The following POMK variants were observed in gnomAD, a reference collection of about 807,000 sequenced individuals.
The protein encoded by POMK is protein O-mannose kinase, also known as Sugen kinase 196.
A neutral mutation model predicts 23.0 loss-of-function variants in POMK; 19 were observed. That is an observed-to-expected ratio of 0.83 (90% CI 0.58 to 1.21). POMK has a LOEUF of 1.21. POMK is among the 50% of genes most tolerant of loss of function. The probability of loss-of-function intolerance (pLI) is 0.00; values close to 1 mark genes in which losing one functional copy is unlikely to be tolerated. For missense variants in POMK, 410 were observed against 431.3 expected, an observed-to-expected ratio of 0.95 and a Z score of 0.44; for synonymous variants, 173 against 171.6, an observed-to-expected ratio of 1.01 and a Z score of -0.06.
At position 43,094,340 on chromosome 8, in the gene POMK, GCTGT is replaced by G. The variant is rs1372245880; in HGVS notation, c.-210+780_-210+783del. ...GCGTGAGCTACTGGGTCCGGCAGAGGCTGTCTCTGTTTAAAAAAACAAAAACCAA... is the reference window on the plus strand; with the variant it reads ...GCGTGAGCTACTGGGTCCGGCAGAGGCTCTGTTTAAAAAAACAAAAACCAA... On this transcript the variant is annotated intron_variant, in intron 1 of 4. Transcript: ENST00000331373. 7.2e-5 allele frequency among the ~76,000 whole-genome samples: 11 copies of G among 152,132 alleles called. No individual in the cohort carries two copies. The East Asian group carries it at 1.9e-3, about 27-fold the overall frequency.
At chr8:43,096,583 G>C (rs1027740698) in intron 1 of POMK, among the ~76,000 whole-genome samples, 2 of 152,190 alleles carry the variant, frequency 1.3e-5, no homozygotes, top group South Asian at 2.1e-4. Flanking sequence ...TGAGGCAGGA[G>C]AATCCCTTTA....
intron 1 of POMK, among the ~76,000 whole-genome samples, chr8:43,097,091 G>A: frequency 6.6e-6 from 1 of 152,188 alleles, no homozygotes; most frequent in South Asian, 2.1e-4. Context: ...AGATAGATAA[G>A]TAGGTAGGTA....
intron 2 of POMK, among the ~76,000 whole-genome samples, chr8:43,098,553 G>A (rs1811378518): frequency 6.6e-6 from 1 of 152,186 alleles, no homozygotes; most frequent in Admixed American, 6.5e-5. Flanking sequence ...CTGTTTGGCA[G>A]TTGTGGATAA....
intron 1 of POMK, among the ~76,000 whole-genome samples, chr8:43,096,529 C>T (rs951618541): frequency 6.6e-6 from 1 of 152,058 alleles, no homozygotes; most frequent in Non-Finnish European, 1.5e-5. Flanking sequence ...CATGGTGGCA[C>T]GTGCCTGTAA....
chr8:43,112,107 T>A (rs1023362828), intron 4 of POMK, among the ~76,000 whole-genome samples: 9 of 152,064 alleles, frequency 5.9e-5, no homozygotes, highest in Non-Finnish European at 1.3e-4. Flanking sequence ...CTTCAGATGA[T>A]CAAACTACTG....
chr8:43,096,311 C>T lies in POMK; in HGVS notation c.-209-1213C>T, dbSNP rs544896335. 1.1e-4 allele frequency among the ~76,000 whole-genome samples: 17 copies of T among 152,178 alleles called. No individual in the cohort carries two copies. The East Asian group carries it at 1.9e-3, about 17-fold the overall frequency. The stretch of plus-strand genomic sequence containing the variant: ...AGAGTTTGGACTTGATCCTGTGGGC[C>T]GAGTGGGGGGCTGTTGAATGTTAAG... On this transcript the variant is annotated intron_variant, in intron 1 of 4. Transcript: ENST00000331373.
Position 43,122,719 on chromosome 8 carries a change from A to C in POMK, c.895A>C (p.Ser299Arg). The C allele has an allele frequency of 6.2e-7, 1 of 1,614,134 alleles. No individual in the cohort carries two copies. Among genetic ancestry groups the C allele is most frequent in the Non-Finnish European group, 8.5e-7 (1 of 1,180,024 alleles). ...TTTCCTTCTGGGGCACATTGAAGGG[A>C]GTGATATGGTCCGATTCCATTTGTT... ...SSFLLGHIEGSDMVRFHLFDI... is the reference protein window; with the variant it reads ...SSFLLGHIEGRDMVRFHLFDI... The change falls in exon 5 of 5, where the codon AGT (serine) becomes CGT (arginine). Residue 299 changes from serine to arginine, a missense_variant. Ser to Arg is a moderately radical substitution (Grantham distance 110). Coordinates refer to ENST00000331373, the MANE Select transcript of POMK (RefSeq NM_032237.5).
chr8:43,109,538 T>A (rs1383185458), intron 4 of POMK, among the ~76,000 whole-genome samples: 7 of 152,118 alleles, frequency 4.6e-5, no homozygotes, highest in Non-Finnish European at 7.4e-5. Flanking sequence ...GGTAAGATTT[T>A]TTTTTTATTT....
chr8:43,120,647 C>T (rs1240520295), intron 4 of POMK, among the ~76,000 whole-genome samples: 1 of 151,694 alleles, frequency 6.6e-6, no homozygotes, highest in East Asian at 1.9e-4. Flanking sequence ...CATGTACGCT[C>T]CATTACACCC....
intron 4 of POMK, among the ~76,000 whole-genome samples, chr8:43,106,664 C>T (rs543955357): frequency 6.6e-6 from 1 of 152,076 alleles, no homozygotes; most frequent in South Asian, 2.1e-4. Flanking sequence ...CGCCCACCAC[C>T]ATGCCTGTAT....
chr8:43,119,349 T>A (rs1369017125), intron 4 of POMK, among the ~76,000 whole-genome samples: 1 of 151,730 alleles, frequency 6.6e-6, no homozygotes, highest in East Asian at 1.9e-4. Flanking sequence ...TTTAAAAAAA[T>A]CTTGAACTTT....
chr8:43,110,875 G>A (rs1811640798), intron 4 of POMK, among the ~76,000 whole-genome samples: 10 of 152,012 alleles, frequency 6.6e-5, no homozygotes, highest in Admixed American at 5.9e-4. Flanking sequence ...AGCCGAGATC[G>A]CGCCATTGCA....
Position 43,122,543 on chromosome 8 carries a change from T to G in POMK, c.719T>G (p.Met240Arg). ...CCCCTGGTGAACCACAGCTCCGGGA[T>G]GCTGGTGAAGTGCGGCCACAGGGAG... ...ALPLVNHSSGMLVKCGHRELH... is the reference protein window; with the variant it reads ...ALPLVNHSSGRLVKCGHRELH... The change falls in exon 5 of 5, where the codon ATG (methionine) becomes AGG (arginine). Residue 240 changes from methionine (M) to arginine (R), a missense_variant. Physicochemically the swap from Met to Arg is moderately conservative, Grantham distance 91 (BLOSUM62 -1). Coordinates refer to ENST00000331373, the MANE Select transcript of POMK (RefSeq NM_032237.5). 6.2e-7 allele frequency: 1 copy of G among 1,614,182 alleles called. No homozygotes were observed. Among genetic ancestry groups the G allele is most frequent in the Non-Finnish European group, 8.5e-7 (1 of 1,180,022 alleles).
intron 4 of POMK, among the ~76,000 whole-genome samples, chr8:43,107,803 C>T (rs1463985928): frequency 6.6e-6 from 1 of 152,114 alleles, no homozygotes; most frequent in African/African-American, 2.4e-5. Flanking sequence ...GCCTCAGCCT[C>T]TCGAGTAGCT....
chr8:43,101,118 AG>A (rs1811431739), intron 2 of POMK, among the ~76,000 whole-genome samples: 1 of 152,000 alleles, frequency 6.6e-6, no homozygotes, highest in South Asian at 2.1e-4. Context: ...AGAGCCGTGG[AG>A]GGGATAAAAA....
At chr8:43,109,251 G>A (rs1169610031) in intron 4 of POMK, among the ~76,000 whole-genome samples, 1 of 152,102 alleles carries the variant, frequency 6.6e-6, no homozygotes. Flanking sequence ...TTTTCAAAAG[G>A]AAAAACCATT....
chr8:43,100,835 G>A (rs908483617), intron 2 of POMK, among the ~76,000 whole-genome samples: 5 of 151,990 alleles, frequency 3.3e-5, no homozygotes, highest in Non-Finnish European at 5.9e-5. Flanking sequence ...GGCCCGGTGC[G>A]CTAAGGGTCA....
chr8:43,119,286 T>C (rs1161296496), intron 4 of POMK, among the ~76,000 whole-genome samples: 1 of 152,212 alleles, frequency 6.6e-6, no homozygotes, highest in Non-Finnish European at 1.5e-5. Context: ...TAGAGCCAAT[T>C]ATCAGATTCA....
intron 4 of POMK, among the ~76,000 whole-genome samples, chr8:43,112,170 A>G (rs922659267): frequency 2.0e-5 from 3 of 152,234 alleles, no homozygotes; most frequent in Admixed American, 1.3e-4. Flanking sequence ...AAACTTCGAA[A>G]AAAAATTAGA....
Sources: allele counts gnomAD v4.1 joint callset (sites outside exome capture counted in the v4.1 genomes callset), GRCh38; gene constraint gnomAD v4.1.1; transcripts MANE v1.5; gene names NCBI Gene and HGNC (gene_info 2026-07-23, HGNC 2026-07-21).